The following USP42 variants were observed in gnomAD, a reference collection of about 807,000 sequenced individuals.
USP42 encodes the protein ubiquitin carboxyl-terminal hydrolase 42.
Under a neutral mutation model 113.0 loss-of-function variants are expected in USP42, and 23 were observed. That is an observed-to-expected ratio of 0.20 (90% CI 0.15 to 0.29). The LOEUF is 0.29. Ranked by LOEUF, USP42 falls within the 10% of genes least tolerant of loss-of-function variation. The pLI, the probability that USP42 is intolerant of heterozygous loss-of-function variation, is 1.00. For synonymous variants in USP42, 933 were observed against 699.0 expected (o/e 1.33, Z -5.28); for missense variants, 2,174 against 1,779.8 (o/e 1.22, Z -3.99).
At chr7:6,123,810 G>A (rs905974920) in intron 3 of USP42, among the ~76,000 whole-genome samples, 2 of 139,042 alleles carry the variant, frequency 1.4e-5, no homozygotes, top group Admixed American at 1.5e-4. Flanking sequence ...TCCAACCAGG[G>A]CAACGAAAGG....
the USP42 span, among the ~76,000 whole-genome samples, chr7:6,084,144 A>C: frequency 1.3e-5 from 2 of 151,236 alleles, no homozygotes; most frequent in African/African-American, 4.9e-5. Context: ...CTCCTGCCTC[A>C]GCCTCCTGAG....
intron 4 of USP42, among the ~76,000 whole-genome samples, chr7:6,137,483 C>G (rs1330872419): frequency 6.6e-6 from 1 of 152,100 alleles, no homozygotes; most frequent in Non-Finnish European, 1.5e-5. Context: ...CTCAGCCTCC[C>G]AAGTAGCTGG....
rs187859442 is a variant in USP42, at chr7:6,140,856, T to C, written c.725-58T>C. The C allele has an allele frequency of 3.2e-5, 30 of 924,808 alleles. No homozygotes were observed. The East Asian group carries it at 7.1e-4, about 22-fold the overall frequency. 57.3% of individuals were successfully genotyped at this position (924,808 alleles called of 1,614,324 possible). ...AAATTGTATTTTGTCATTTCAGTAG[T>C]TGATGTTGCTGTAATGATTATACTT... On this transcript the variant is annotated intron_variant, in intron 6 of 17. Coordinates refer to ENST00000306177, the MANE Select transcript of USP42 (RefSeq NM_032172.3).
At chr7:6,140,285 A>C in intron 6 of USP42, 90 bp downstream of exon 6, 2 of 1,215,824 alleles carry the variant, frequency 1.6e-6, no homozygotes, top group African/African-American at 1.5e-5. Flanking sequence ...ACTAGGAAGG[A>C]AGGAAAAGTG....
At chr7:6,098,553 T>G in the USP42 span, among the ~76,000 whole-genome samples, 1 of 150,278 alleles carries the variant, frequency 6.7e-6, no homozygotes, top group Non-Finnish European at 1.5e-5. Flanking sequence ...TTTCTTGTTT[T>G]TTGTTTTTCT....
upstream of USP42, among the ~76,000 whole-genome samples, chr7:6,101,382 G>C (rs1403181774): frequency 1.3e-5 from 2 of 151,190 alleles, no homozygotes; most frequent in Non-Finnish European, 2.9e-5. Context: ...GGGGCACTTG[G>C]AATCAGTTTG....
chr7:6,145,707 C>T (rs1434310717), intron 10 of USP42, 51 bp downstream of exon 10: 78 of 1,559,062 alleles, frequency 5.0e-5, no homozygotes, highest in Admixed American at 4.1e-4. Flanking sequence ...TGCTATAAGA[C>T]AGCAGTAGCA....
chr7:6,100,200 G>C (rs1310310189), upstream of USP42, among the ~76,000 whole-genome samples: 1 of 150,278 alleles, frequency 6.7e-6, no homozygotes, highest in Non-Finnish European at 1.5e-5. Flanking sequence ...TCAAAAACCA[G>C]AGAGATTGAA....
Position 6,161,112 on chromosome 7 carries a change from CCAAT to C in USP42, c.*603_*606del, listed in dbSNP as rs111947274. ...TGTTTTTGAACTTTGTGGAACTGTT[CCAAT>C]CAATCAATTTCCCAGTTATGATGAG... On this transcript the variant is annotated 3_prime_UTR_variant, in exon 18 of 18. Coordinates refer to ENST00000306177, the MANE Select transcript of USP42 (RefSeq NM_032172.3). The C allele has an allele frequency of 3.1e-3, 470 of 152,670 alleles. 4 individuals are homozygous for C. Among genetic ancestry groups the C allele is most frequent in the Middle Eastern group, 0.01 (3 of 294 alleles). 9.5% of individuals were successfully genotyped at this position (152,670 alleles called of 1,614,324 possible).
At chr7:6,122,039 G>A (rs763999195) in intron 3 of USP42, among the ~76,000 whole-genome samples, 1 of 152,046 alleles carries the variant, frequency 6.6e-6, no homozygotes. Context: ...TGGTTTCATT[G>A]TTACAGTTTT....
intron 3 of USP42, among the ~76,000 whole-genome samples, chr7:6,120,765 G>A (rs868151045): frequency 6.6e-6 from 1 of 151,802 alleles, no homozygotes; most frequent in African/African-American, 2.4e-5. Flanking sequence ...TGTATTTTTA[G>A]TAGAGATGGG....
intron 7 of USP42, among the ~76,000 whole-genome samples, chr7:6,141,368 CTA>C (rs1781423700): frequency 6.6e-6 from 1 of 151,474 alleles, no homozygotes; most frequent in Admixed American, 6.6e-5. Flanking sequence ...CCATGCCCAG[CTA>C]ATTTTTGTAT....
rs1351636535 is a variant in USP42 at position 6,155,657 on chromosome 7, TGCCCGCCTGCCCAGCGTAG to T, written c.3641+465_3641+483del. Among the ~76,000 whole-genome samples the T allele has an allele frequency of 2.0e-5, 3 of 152,346 alleles. No individual in the cohort carries two copies. The South Asian group carries it at 6.2e-4, about 32-fold the overall frequency. On this transcript the variant is annotated intron_variant, in intron 15 of 17. Coordinates refer to ENST00000306177, the MANE Select transcript of USP42 (RefSeq NM_032172.3). ...ACAGGAGGCACACTTTTCCTGTGCC[TGCCCGCCTGCCCAGCGTAG>T]GCATCGGAGACACCTTCGTTTCCTC...
Position 6,155,073 on chromosome 7 carries a change from T to G in USP42, c.3519T>G (p.His1173Gln), listed in dbSNP as rs749248742. The G allele has an allele frequency of 1.3e-6, 2 of 1,563,338 alleles. No individual in the cohort carries two copies. Among genetic ancestry groups the G allele is most frequent in the Non-Finnish European group, 1.7e-6 (2 of 1,153,998 alleles). Residue 1173 changes from histidine to glutamine, a missense_variant, in exon 15 of 18, where the codon CAT becomes CAG. Transcript: ENST00000306177. ...RHDSVENSDSHVEKKARRSEQ... is the reference protein window; with the variant it reads ...RHDSVENSDSQVEKKARRSEQ... The stretch of plus-strand genomic sequence containing the variant: ...ACAGTGTGGAGAACAGTGACAGTCA[T>G]GTTGAAAAGAAAGCCCGGAGGAGCG...
rs1277030975 is a variant in USP42 at position 6,153,776 on chromosome 7, G to A, written c.2222G>A (p.Gly741Asp). 3 of 1,476,244 alleles carry A rather than the reference G, an allele frequency of 2.0e-6. No homozygotes were observed. In the South Asian group the frequency reaches 4.0e-5, roughly 20 times the overall value. 91.4% of individuals were successfully genotyped at this position (1,476,244 alleles called of 1,614,324 possible). A position where few individuals can be genotyped will look rare whatever the true frequency, so the allele number is the denominator to read the frequency against. Residue 741 changes from glycine to aspartate, a missense_variant, in exon 15 of 18, where the codon GGC becomes GAC. Physicochemically the swap from Gly to Asp is moderately conservative, Grantham distance 94. Coordinates refer to ENST00000306177, the MANE Select transcript of USP42 (RefSeq NM_032172.3). ...DEMSAPGAERGPPEDRDAEPQ... is the reference protein window; with the variant it reads ...DEMSAPGAERDPPEDRDAEPQ... ...TGCAGTGCACCTGGAGCAGAGAGGG[G>A]CCCTCCCGAGGACCGCGACGCCGAG... is the stretch of plus-strand genomic sequence containing the variant.
In USP42 at chr7:6,154,647, C is replaced by T. The variant is rs1562857497; in HGVS notation, c.3093C>T (p.Asp1031=). 6.2e-7 allele frequency: 1 copy of T among 1,605,896 alleles called. No homozygotes were observed. Among genetic ancestry groups the T allele is most frequent in the South Asian group, 1.1e-5 (1 of 89,670 alleles). The part of the protein sequence containing the change: ...HSRHRSGVEL[D]WVRHHYTEGE... ...GACACCGGAGCGGGGTGGAGCTGGACTGGGTCAGACACCACTACACCGAGG... is the reference window on the plus strand; with the variant it reads ...GACACCGGAGCGGGGTGGAGCTGGATTGGGTCAGACACCACTACACCGAGG... Residue 1031 remains aspartate (D), a synonymous_variant, in exon 15 of 18, where the codon GAC becomes GAT. Coordinates refer to ENST00000306177, the MANE Select transcript of USP42 (RefSeq NM_032172.3).
chr7:6,084,206 T>C, the USP42 span, among the ~76,000 whole-genome samples: 1 of 150,924 alleles, frequency 6.6e-6, no homozygotes, highest in Non-Finnish European at 1.5e-5. Flanking sequence ...TTTGTATTTT[T>C]AGTAGAGACA....
intron 1 of USP42, among the ~76,000 whole-genome samples, chr7:6,108,911 G>C (rs887182848): frequency 1.3e-5 from 2 of 152,192 alleles, no homozygotes; most frequent in African/African-American, 4.8e-5. Context: ...TCTGTTCCCA[G>C]ACTTTGTTCA....
chr7:6,129,903 A>G (rs1248655034), intron 3 of USP42, among the ~76,000 whole-genome samples: 2 of 152,042 alleles, frequency 1.3e-5, no homozygotes, highest in Non-Finnish European at 2.9e-5. Context: ...ATTTAGAACC[A>G]TATCAGACAA....
Sources: gnomAD v4.1 joint callset for allele counts (sites outside exome capture counted in the v4.1 genomes callset) on GRCh38, gnomAD v4.1.1 for gene constraint, MANE v1.5 for transcripts, NCBI Gene and HGNC (gene_info 2026-07-23, HGNC 2026-07-21) for gene names.